The following DSC3 variants were observed in gnomAD, a reference collection of about 807,000 sequenced individuals.
DSC3 encodes desmocollin 3.
A neutral mutation model predicts 89.5 loss-of-function variants in DSC3; 97 were observed. That is an observed-to-expected ratio of 1.08 (90% CI 0.92 to 1.28). The LOEUF (loss-of-function observed/expected upper bound fraction) is 1.28. Ranked by LOEUF, DSC3 falls within the 50% of genes most tolerant of loss-of-function variation. The probability of loss-of-function intolerance (pLI) is 0.00; values close to 1 mark genes in which losing one functional copy is unlikely to be tolerated. For missense variants in DSC3, 1,199 were observed against 1,085.3 expected (o/e 1.10, Z -1.47); for synonymous variants, 436 against 384.1 (o/e 1.14, Z -1.58).
Position 31,007,101 on chromosome 18 carries a change from A to G in DSC3, c.1694T>C (p.Val565Ala). The part of the protein sequence containing the change: ...DDRSCTGTLA[V>A]NIEDVNDNPP... The stretch of plus-strand genomic sequence containing the variant: ...ATTATCATTTACATCTTCAATGTTC[A>G]CAGCAAGTGTTCCAGTACATGATCT... Residue 565 changes from valine to alanine, a missense_variant, in exon 12 of 16, where the codon GTG becomes GCG. Physicochemically the swap from Val to Ala is moderately conservative, Grantham distance 64. Coordinates refer to ENST00000360428, the MANE Select transcript of DSC3 (RefSeq NM_001941.5). 2.5e-6 allele frequency: 4 copies of G among 1,613,826 alleles called. No homozygotes were observed. The highest frequency in any genetic ancestry group is 3.4e-6 in the Non-Finnish European group (4 of 1,179,816).
At chr18:31,023,447 T>A (rs1475486061) in intron 6 of DSC3, among the ~76,000 whole-genome samples, 1 of 152,110 alleles carries the variant, frequency 6.6e-6, no homozygotes, top group Non-Finnish European at 1.5e-5. Flanking sequence ...CTACACACAA[T>A]AAAATTTATT....
Position 30,994,072 on chromosome 18 carries a change from GA to G in DSC3, c.*102del, listed in dbSNP as rs892910174. The stretch of plus-strand genomic sequence containing the variant: ...GGTGAGTAGCATAATTCAAAATTGA[GA>G]AAAAAATCATCATATACATACATGT... On this transcript the variant is annotated 3_prime_UTR_variant, in exon 16 of 16. Coordinates refer to ENST00000360428, the MANE Select transcript of DSC3 (RefSeq NM_001941.5). 5.1e-6 allele frequency: 6 copies of G among 1,171,844 alleles called. No individual in the cohort carries two copies. Among genetic ancestry groups the G allele is most frequent in the East Asian group, 5.0e-5 (2 of 39,690 alleles). 72.6% of individuals were successfully genotyped at this position (1,171,844 alleles called of 1,614,324 possible).
intron 14 of DSC3, among the ~76,000 whole-genome samples, chr18:30,997,997 T>C (rs1984533622): frequency 6.6e-6 from 1 of 152,152 alleles, no homozygotes; most frequent in Non-Finnish European, 1.5e-5. Context: ...CCATAAGATA[T>C]AAAGATCTAT....
intron 1 of DSC3, 22 bp downstream of exon 1, chr18:31,042,570 T>C (rs186329552): frequency 1.3e-6 from 2 of 1,548,802 alleles, no homozygotes; most frequent in African/African-American, 1.4e-5. Context: ...ACCCCAGCCC[T>C]ATCCGGCGAG....
Position 31,037,880 on chromosome 18 carries a change from A to G in DSC3, c.69+4712T>C, listed in dbSNP as rs182319200. ...CAGCCTGCACTCCAGCCTGGGGAACAGAGCAAAACTCCATCTCAAAAAAAA... is the reference window on the plus strand; with the variant it reads ...CAGCCTGCACTCCAGCCTGGGGAACGGAGCAAAACTCCATCTCAAAAAAAA... On this transcript the variant is annotated intron_variant, in intron 1 of 15. Transcript: ENST00000360428. Among the ~76,000 whole-genome samples, 249 of 152,182 alleles carry G rather than the reference A, an allele frequency of 1.6e-3. 1 individual carries two copies. Among genetic ancestry groups the G allele is most frequent in the African/African-American group, 5.8e-3 (239 of 41,460 alleles).
intron 3 of DSC3, among the ~76,000 whole-genome samples, chr18:31,030,076 A>G (rs1388203084): frequency 1.3e-5 from 2 of 152,212 alleles, no homozygotes; most frequent in Non-Finnish European, 2.9e-5. Context: ...CTGATATGGT[A>G]GCCCTTGGCC....
At chr18:31,001,500 G>A (rs1984657695) in intron 14 of DSC3, 118 bp downstream of exon 14, 1 of 1,154,052 alleles carries the variant, frequency 8.7e-7, no homozygotes, top group Non-Finnish European at 1.2e-6. Context: ...CAATATCTAT[G>A]CCTATGAAAT....
chr18:31,018,355 T>C, intron 8 of DSC3, 99 bp from the exon 9 acceptor site: 1 of 887,500 alleles, frequency 1.1e-6, no homozygotes, highest in Non-Finnish European at 1.7e-6. Context: ...ATTATAATTT[T>C]ATATAGATTA....
rs1335892003 is a variant in DSC3 at position 31,007,114 on chromosome 18, C to T, written c.1681G>A (p.Gly561Arg). Reference sequence around the variant, plus strand: ...TCTTCAATGTTCACAGCAAGTGTTCCAGTACATGATCTATCATCTAAGGAG... The same window carrying T: ...TCTTCAATGTTCACAGCAAGTGTTCTAGTACATGATCTATCATCTAAGGAG... ...AIDKDDRSCTGTLAVNIEDVN... is the reference protein window; with the variant it reads ...AIDKDDRSCTRTLAVNIEDVN... The change falls in exon 12 of 16, where the codon GGA becomes AGA. Residue 561 changes from glycine (G) to arginine (R), a missense_variant. By Grantham distance (125) the Gly-to-Arg change is moderately radical (BLOSUM62 -2). Transcript: ENST00000360428. 4 of 1,612,822 alleles carry T rather than the reference C, an allele frequency of 2.5e-6. No individual in the cohort carries two copies.
In DSC3 at chr18:31,042,630, G is replaced by C. The variant is rs1008608668; in HGVS notation, c.31C>G (p.Arg11Gly). Reference protein sequence around the residue: MAAAGPRRSVRGAVCLHLLLT... With the variant: MAAAGPRRSVGGAVCLHLLLT... ...AGCAGATGCAGGCAGACGGCTCCGC[G>C]CACGGAGCGCCGGGGCCCAGCGGCG... Residue 11 changes from arginine (R) to glycine (G), a missense_variant, in exon 1 of 16, where the codon CGC becomes GGC. By Grantham distance (125) the Arg-to-Gly change is moderately radical (BLOSUM62 -2). Transcript: ENST00000360428. 6 of 1,550,152 alleles carry C rather than the reference G, an allele frequency of 3.9e-6. No individual in the cohort carries two copies. The highest frequency in any genetic ancestry group is 1.4e-5 in the African/African-American group (1 of 73,048).
intron 1 of DSC3, among the ~76,000 whole-genome samples, chr18:31,038,194 A>G (rs1014131231): frequency 6.6e-6 from 1 of 152,150 alleles, no homozygotes; most frequent in Non-Finnish European, 1.5e-5. Flanking sequence ...CTATTTTTCA[A>G]CTTCATACGA....
chr18:30,994,341 C>A lies in DSC3; in HGVS notation c.2525G>T (p.Arg842Leu), dbSNP rs201317428. 1.2e-6 allele frequency: 2 copies of A among 1,613,884 alleles called. No individual in the cohort carries two copies. Among genetic ancestry groups the A allele is most frequent in the East Asian group, 2.2e-5 (1 of 44,876 alleles). ...KLHRCNQNED[R>L]MPSQDYVLTY... is the part of the protein sequence containing the mutation. ...GAGGACATAATCTTGGGATGGCATG[C>A]GGTCTTCATTCTGATTACATCGATG... The change falls in exon 16 of 16, where the codon CGC becomes CTC. Residue 842 changes from arginine to leucine, a missense_variant. Transcript: ENST00000360428.
At chr18:31,033,434 G>C (rs185629232) in intron 1 of DSC3, among the ~76,000 whole-genome samples, 13 of 152,134 alleles carry the variant, frequency 8.5e-5, no homozygotes, top group South Asian at 6.2e-4. Context: ...GAATGGAGTA[G>C]AACTTAAATC....
At chr18:31,022,269 T>G in intron 7 of DSC3, 67 bp downstream of exon 7, 5 of 1,581,460 alleles carry the variant, frequency 3.2e-6, no homozygotes, top group Non-Finnish European at 4.3e-6. Flanking sequence ...GGATAGCAAG[T>G]TATAATAAAT....
rs1984312441 is a variant in DSC3, at chr18:30,992,731, T to C, written c.*1444A>G. 6.6e-6 allele frequency: 1 copy of C among 152,206 alleles called. No individual in the cohort carries two copies. The highest frequency in any genetic ancestry group is 6.5e-5 in the Admixed American group (1 of 15,280). The allele number at this position is 152,206 out of a possible 1,614,324, so 9.4% of individuals were successfully genotyped here. The stretch of plus-strand genomic sequence containing the variant: ...ATCTTTTTCTTTTATACATTCAAAA[T>C]TTCTATTTCTTCTATTATTTTAAAA... On this transcript the variant is annotated 3_prime_UTR_variant, in exon 16 of 16. Coordinates refer to ENST00000360428, the MANE Select transcript of DSC3 (RefSeq NM_001941.5).
Position 31,034,114 on chromosome 18 carries a change from C to T in DSC3, c.70-1838G>A, listed in dbSNP as rs185714. Among the ~76,000 whole-genome samples, 791 of 152,264 alleles carry T rather than the reference C, an allele frequency of 5.2e-3. 7 individuals carry two copies. The highest frequency in any genetic ancestry group is 0.018 in the African/African-American group (762 of 41,542). The stretch of plus-strand genomic sequence containing the variant: ...TGCTGGGATTACAGGCGTGAGCCAC[C>T]GCGCCCGGCCTGAAGAAAATTCAAA... On this transcript the variant is annotated intron_variant, in intron 1 of 15. Transcript: ENST00000360428.
intron 7 of DSC3, among the ~76,000 whole-genome samples, chr18:31,019,030 A>C (rs1985330546): frequency 6.6e-6 from 1 of 152,236 alleles, no homozygotes; most frequent in Non-Finnish European, 1.5e-5. Flanking sequence ...TTATGCTTTA[A>C]GTAACAGGTA....
At chr18:31,010,773 G>A (rs371514366) in intron 9 of DSC3, among the ~76,000 whole-genome samples, 4 of 152,132 alleles carry the variant, frequency 2.6e-5, no homozygotes, top group South Asian at 2.1e-4. Flanking sequence ...GCCCATATGC[G>A]TCACTGCTGC....
At chr18:31,000,303 T>A (rs894063942) in intron 14 of DSC3, among the ~76,000 whole-genome samples, 1 of 152,208 alleles carries the variant, frequency 6.6e-6, no homozygotes, top group African/African-American at 2.4e-5. Context: ...ACCTTTGAAA[T>A]ATTTCTTATT....
Sources: gnomAD v4.1 joint callset for allele counts (sites outside exome capture counted in the v4.1 genomes callset) on GRCh38, gnomAD v4.1.1 for gene constraint, MANE v1.5 for transcripts, NCBI Gene and HGNC (gene_info 2026-07-23, HGNC 2026-07-21) for gene names.